Variants in MAP2K5 observed in about 807,000 individuals in gnomAD.
MAP2K5 encodes the protein mitogen-activated protein kinase kinase 5.
Under a neutral mutation model 83.1 loss-of-function variants are expected in MAP2K5, and 49 were observed. The ratio of observed to expected loss-of-function variants is 0.59; its 90% confidence interval spans 0.47 to 0.75. The LOEUF (loss-of-function observed/expected upper bound fraction) is 0.75, where lower values mean the gene tolerates loss of function less well. MAP2K5 is among the 30% of genes least tolerant of loss of function. MAP2K5 has a pLI of 0.00. For synonymous variants in MAP2K5, 202 were observed against 191.8 expected, an observed-to-expected ratio of 1.05 and a Z score of -0.44; for missense variants, 457 against 557.5, an observed-to-expected ratio of 0.82 and a Z score of 1.82.
At chr15:67,582,087 GA>G (rs2085191263) in intron 4 of MAP2K5, among the ~76,000 whole-genome samples, 1 of 131,562 alleles carries the variant, frequency 7.6e-6, no homozygotes, top group South Asian at 2.5e-4. Context: ...TTTCGAGACA[GA>G]GTCTCGCTCT....
At chr15:67,597,159 A>C (rs1596621536) in intron 7 of MAP2K5, among the ~76,000 whole-genome samples, 1 of 149,452 alleles carries the variant, frequency 6.7e-6, no homozygotes, top group East Asian at 2.0e-4. Flanking sequence ...ACAGTGTGAG[A>C]TCTGTCTCAA....
intron 2 of MAP2K5, among the ~76,000 whole-genome samples, chr15:67,558,917 T>C (rs1401001366): frequency 6.6e-6 from 1 of 152,148 alleles, no homozygotes; most frequent in African/African-American, 2.4e-5. Flanking sequence ...GCCCACCACA[T>C]AGTGGGTACT....
chr15:67,763,057 A>G (rs1161782422), intron 19 of MAP2K5, among the ~76,000 whole-genome samples: 1 of 152,134 alleles, frequency 6.6e-6, no homozygotes, highest in Non-Finnish European at 1.5e-5. Flanking sequence ...TTCTCTGCTC[A>G]AGACTTGATG....
At position 67,738,700 on chromosome 15, in the gene MAP2K5, C is replaced by G. The variant is rs988514775; in HGVS notation, c.1075-9531C>G. Among the ~76,000 whole-genome samples the G allele has an allele frequency of 1.1e-4, 16 of 152,212 alleles. No homozygotes were observed. The highest frequency in any genetic ancestry group is 1.3e-4 in the Non-Finnish European group (9 of 68,040). On this transcript the variant is annotated intron_variant, in intron 17 of 21. Coordinates refer to ENST00000178640, the MANE Select transcript of MAP2K5 (RefSeq NM_145160.3). The surrounding 1 kb of genome is among the most constrained non-coding windows in gnomAD (Gnocchi z 4.1). ...GGGGATCCACCCACATACACATGTA[C>G]ACACAACCACACGAGCAGCTCTGCT...
intron 21 of MAP2K5, among the ~76,000 whole-genome samples, chr15:67,795,018 C>T (rs1256035549): frequency 6.6e-6 from 1 of 152,268 alleles, no homozygotes; most frequent in African/African-American, 2.4e-5. Flanking sequence ...CCAGCCACCA[C>T]CATTATCACT....
At position 67,750,088 on chromosome 15, in the gene MAP2K5, A is replaced by G. The variant is rs1254823378; in HGVS notation, c.1134+1487A>G. ...AGTAACAGTTATTGCTGTTCAATTT[A>G]AAATATCTTACTTGTTTAATTTGGG... On this transcript the variant is annotated intron_variant, in intron 19 of 21. Coordinates refer to ENST00000178640, the MANE Select transcript of MAP2K5 (RefSeq NM_145160.3). The surrounding 1 kb of genome is among the most constrained non-coding windows in gnomAD (Gnocchi z 4.2). 6.6e-6 allele frequency among the ~76,000 whole-genome samples: 1 copy of G among 152,242 alleles called. No individual in the cohort carries two copies. Among genetic ancestry groups the G allele is most frequent in the Non-Finnish European group, 1.5e-5 (1 of 68,040 alleles).
chr15:67,741,038 A>G (rs2089480043), intron 17 of MAP2K5, among the ~76,000 whole-genome samples: 1 of 151,966 alleles, frequency 6.6e-6, no homozygotes, highest in African/African-American at 2.4e-5. Flanking sequence ...AAAAAAAAAA[A>G]AAAAAAAAAA....
rs565122029 is a variant in MAP2K5, at chr15:67,601,524, GTT to G, written c.545+778_545+779del. Among the ~76,000 whole-genome samples, 229 of 152,288 alleles carry G rather than the reference GTT, an allele frequency of 1.5e-3. 3 individuals are homozygous for G. Among genetic ancestry groups the G allele is most frequent in the East Asian group, 0.01 (52 of 5,184 alleles). ...AATAAAACTTTCCTCCAGAGAGCTG[GTT>G]TTCCATGTATACACTAATCCTGCAT... On this transcript the variant is annotated intron_variant, in intron 8 of 21. Coordinates refer to ENST00000178640, the MANE Select transcript of MAP2K5 (RefSeq NM_145160.3).
intron 7 of MAP2K5, among the ~76,000 whole-genome samples, chr15:67,597,351 C>T: frequency 6.6e-6 from 1 of 152,174 alleles, no homozygotes; most frequent in East Asian, 1.9e-4. Context: ...TGTTTACCAT[C>T]CTGTGGGCCA....
chr15:67,686,849 G>A (rs1260304466), intron 13 of MAP2K5, among the ~76,000 whole-genome samples: 1 of 152,148 alleles, frequency 6.6e-6, no homozygotes, highest in Non-Finnish European at 1.5e-5. Context: ...AAACCTGGGG[G>A]TAGGAGGGAG....
chr15:67,574,285 T>C (rs1210636406), intron 3 of MAP2K5, among the ~76,000 whole-genome samples: 1 of 152,112 alleles, frequency 6.6e-6, no homozygotes, highest in Non-Finnish European at 1.5e-5. Context: ...TAATAAAATT[T>C]AGTAGGCTGG....
At chr15:67,791,120 A>G (rs1196662838) in intron 21 of MAP2K5, among the ~76,000 whole-genome samples, 2 of 152,204 alleles carry the variant, frequency 1.3e-5, no homozygotes, top group Non-Finnish European at 2.9e-5. Flanking sequence ...TCAAATGCAC[A>G]TGGCCCTAGT....
chr15:67,603,572 G>A (rs1262202515), intron 8 of MAP2K5, among the ~76,000 whole-genome samples: 1 of 152,196 alleles, frequency 6.6e-6, no homozygotes. Flanking sequence ...TGAGAGGGGC[G>A]GTGAAGATAC....
chr15:67,694,931 A>G (rs1362555755), intron 15 of MAP2K5, among the ~76,000 whole-genome samples: 1 of 152,214 alleles, frequency 6.6e-6, no homozygotes, highest in Admixed American at 6.5e-5. Flanking sequence ...ATGCAGCCAT[A>G]CAAAATGATG....
chr15:67,599,398 G>C (rs2085601850), intron 7 of MAP2K5, among the ~76,000 whole-genome samples: 1 of 152,138 alleles, frequency 6.6e-6, no homozygotes, highest in African/African-American at 2.4e-5. Context: ...ATTCTTTTAA[G>C]GATTGGTAAA....
intron 2 of MAP2K5, among the ~76,000 whole-genome samples, chr15:67,557,266 T>A (rs1471223649): frequency 6.6e-6 from 1 of 152,212 alleles, no homozygotes; most frequent in Admixed American, 6.5e-5. Flanking sequence ...ACTGTTGGAT[T>A]GGTGTTCGTG....
chr15:67,748,359 T>A lies in MAP2K5; in HGVS notation c.1101+102T>A. ...TGTTTTAAACTTAGCAAATTGCATTTTGAAGAAAATGCAAACCTTTAACTG... is the reference window on the plus strand; with the variant it reads ...TGTTTTAAACTTAGCAAATTGCATTATGAAGAAAATGCAAACCTTTAACTG... On this transcript the variant is annotated intron_variant, in intron 18 of 21. Coordinates refer to ENST00000178640, the MANE Select transcript of MAP2K5 (RefSeq NM_145160.3). The surrounding 1 kb of genome is among the most constrained non-coding windows in gnomAD (Gnocchi z 4.0). The A allele has an allele frequency of 9.2e-7, 1 of 1,086,802 alleles. No homozygotes were observed. Among genetic ancestry groups the A allele is most frequent in the Non-Finnish European group, 1.4e-6 (1 of 719,704 alleles). The allele number at this position is 1,086,802 out of a possible 1,614,324, so 67.3% of individuals were successfully genotyped here.
intron 8 of MAP2K5, among the ~76,000 whole-genome samples, chr15:67,621,962 T>C (rs146171688): frequency 0.028 from 4,182 of 152,048 alleles, 177 homozygotes; most frequent in African/African-American, 0.091. Flanking sequence ...GGTGGGTGGA[T>C]CACCTGAGAT....
chr15:67,799,199 A>C, intron 21 of MAP2K5, among the ~76,000 whole-genome samples: 1 of 152,276 alleles, frequency 6.6e-6, no homozygotes, highest in East Asian at 1.9e-4. Context: ...ATAATAAATC[A>C]GAGGCCAAGA....
Sources: allele counts gnomAD v4.1 joint callset (sites outside exome capture counted in the v4.1 genomes callset), GRCh38; gene constraint gnomAD v4.1.1; non-coding constraint Gnocchi (gnomAD v3.1); transcripts MANE v1.5; gene names NCBI Gene and HGNC (gene_info 2026-07-23, HGNC 2026-07-21).